The following EGF variants were observed in gnomAD, a reference collection of about 807,000 sequenced individuals.
EGF encodes epidermal growth factor.
EGF carries 95 observed loss-of-function variants against 143.8 expected under a neutral mutation model. The ratio of observed to expected loss-of-function variants is 0.66; its 90% CI spans 0.56 to 0.78. The LOEUF is 0.78. Ranked by LOEUF, EGF falls within the 30% of genes least tolerant of loss-of-function variation. EGF has a pLI of 0.00. For synonymous variants in EGF, 510 were observed against 510.5 expected (o/e 1.00, Z 0.01); for missense variants, 1,320 against 1,470.9 (o/e 0.90, Z 1.68).
chr4:109,932,066 A>G (rs1187918725), intron 1 of EGF, among the ~76,000 whole-genome samples: 21 of 152,034 alleles, frequency 1.4e-4, no homozygotes, highest in Admixed American at 1.3e-3. Context: ...AGGATAAATG[A>G]GGTCAGGATG....
intron 11 of EGF, among the ~76,000 whole-genome samples, chr4:109,972,863 C>T (rs1747881403): frequency 6.6e-6 from 1 of 152,180 alleles, no homozygotes. Flanking sequence ...GTTGGTGAAC[C>T]AGCCACCAGA....
chr4:109,972,436 C>T (rs1158964894), intron 11 of EGF, among the ~76,000 whole-genome samples: 1 of 152,132 alleles, frequency 6.6e-6, no homozygotes, highest in African/African-American at 2.4e-5. Context: ...TGATGTCTCT[C>T]ATCTCTAAGA....
Position 110,002,040 on chromosome 4 carries a change from G to A in EGF, c.3173+2194G>A, listed in dbSNP as rs562289541. The A allele has an allele frequency of 2.8e-5, 28 of 985,336 alleles. No homozygotes were observed. The South Asian group carries it at 1.1e-3, about 40-fold the overall frequency. 61.0% of individuals were successfully genotyped at this position (985,336 alleles called of 1,614,324 possible). On this transcript the variant is annotated intron_variant, in intron 21 of 23. Coordinates refer to ENST00000265171, the MANE Select transcript of EGF (RefSeq NM_001963.6). Reference sequence around the variant, plus strand: ...AAATGTTGCCATGTCATACTCAACTGTACCAACAAATACAGCTCTAACATT... The same window carrying A: ...AAATGTTGCCATGTCATACTCAACTATACCAACAAATACAGCTCTAACATT...
rs1748472020 is a variant in EGF, at chr4:109,976,173, C to G, written c.1991C>G (p.Ser664Cys). ...DKLYWCDAKQ[S>C]VIEMANLDGS... ...TTGTACTGGTGCGATGCCAAGCAGT[C>G]TGTGATTGAAATGGCCAATCTGGAT... The change falls in exon 13 of 24, where the codon TCT (serine) becomes TGT (cysteine). Residue 664 changes from serine to cysteine, a missense_variant. By Grantham distance (112) the Ser-to-Cys change is moderately radical. Around this residue, in one of 5 missense-constraint regions of EGF, gnomAD observed 1,186 missense variants for 1,313.7 expected, o/e 0.90. Transcript: ENST00000265171. The G allele has an allele frequency of 5.6e-6, 9 of 1,614,106 alleles. No homozygotes were observed. The highest frequency in any genetic ancestry group is 7.6e-6 in the Non-Finnish European group (9 of 1,180,016).
intron 21 of EGF, among the ~76,000 whole-genome samples, chr4:110,002,307 C>A (rs1357500728): frequency 6.6e-6 from 1 of 152,022 alleles, no homozygotes; most frequent in Non-Finnish European, 1.5e-5. Flanking sequence ...ACCTGGGCAC[C>A]ATGGCAAAAC....
At chr4:109,997,866 A>AAAAAT (rs1234924014) in intron 20 of EGF, among the ~76,000 whole-genome samples, 16 of 152,216 alleles carry the variant, frequency 1.1e-4, no homozygotes, top group African/African-American at 3.1e-4. Context: ...CTGTCCATAA[A>AAAAAT]AAAATAAAAT....
At chr4:109,994,264 T>G (rs1029786496) in intron 19 of EGF, among the ~76,000 whole-genome samples, 5 of 152,128 alleles carry the variant, frequency 3.3e-5, no homozygotes, top group Non-Finnish European at 7.4e-5. Context: ...TGAAGGTTAG[T>G]TTTTAGAAGA....
chr4:109,999,646 T>A, intron 20 of EGF, 33 bp from the exon 21 acceptor site: 1 of 1,614,186 alleles, frequency 6.2e-7, no homozygotes, highest in Non-Finnish European at 8.5e-7. Flanking sequence ...TGGCCAGGCA[T>A]CTCTGATGAC....
chr4:109,929,518 GA>G (rs1345930319), intron 1 of EGF, among the ~76,000 whole-genome samples: 5 of 152,122 alleles, frequency 3.3e-5, no homozygotes, highest in African/African-American at 1.2e-4. Flanking sequence ...AAAACAAAAC[GA>G]AACAAGTTTC....
Position 109,968,932 on chromosome 4 carries a change from T to TA in EGF, c.1576-39_1576-38insA. Reference sequence around the variant, plus strand: ...CATTTGTATATATTCCACATTAGTTTTAAAAAAAAATCAGAAATGCCTGTG... The same window carrying TA: ...CATTTGTATATATTCCACATTAGTTTATAAAAAAAAATCAGAAATGCCTGTG... On this transcript the variant is annotated intron_variant, in intron 10 of 23. Transcript: ENST00000265171. 2.5e-6 allele frequency: 4 copies of TA among 1,613,120 alleles called. No homozygotes were observed. In the African/African-American group the frequency reaches 5.3e-5, roughly 22 times the overall value.
chr4:109,993,105 T>C (rs1490754896), intron 18 of EGF, 142 bp from the exon 19 acceptor site: 3 of 789,854 alleles, frequency 3.8e-6, no homozygotes, highest in Non-Finnish European at 5.1e-6. Context: ...ATAAAAAATA[T>C]ATATTAAAAA....
At chr4:109,960,804 T>C in intron 6 of EGF, 63 bp from the exon 7 acceptor site, 1 of 1,603,122 alleles carries the variant, frequency 6.2e-7, no homozygotes, top group South Asian at 1.1e-5. Flanking sequence ...GACTTATTAG[T>C]GATAGCACAA....
intron 21 of EGF, among the ~76,000 whole-genome samples, 182 bp downstream of exon 21, chr4:110,000,028 G>C (rs2126174846): frequency 6.6e-6 from 1 of 152,300 alleles, no homozygotes; most frequent in South Asian, 2.1e-4. Flanking sequence ...GAGGCAGGCA[G>C]ATCACTTGAG....
intron 14 of EGF, among the ~76,000 whole-genome samples, chr4:109,980,437 G>A (rs969639870): frequency 7.2e-5 from 11 of 152,114 alleles, no homozygotes; most frequent in South Asian, 2.1e-4. Context: ...AGCTTCTGTC[G>A]ACACTTGGAC....
Position 109,933,789 on chromosome 4 carries a change from A to G in EGF, c.128-7157A>G, listed in dbSNP as rs536700528. Reference sequence around the variant, plus strand: ...ATGGCGGCATAGTATTCCATGGTGTATATGTGCCACATTTTCTTTATGCAG... The same window carrying G: ...ATGGCGGCATAGTATTCCATGGTGTGTATGTGCCACATTTTCTTTATGCAG... On this transcript the variant is annotated intron_variant, in intron 1 of 23. Transcript: ENST00000265171. 6.6e-5 allele frequency among the ~76,000 whole-genome samples: 10 copies of G among 152,278 alleles called. No individual in the cohort carries two copies. The South Asian group carries it at 1.0e-3, about 16-fold the overall frequency.
chr4:109,975,723 G>A (rs1748387447), intron 12 of EGF, among the ~76,000 whole-genome samples: 2 of 152,146 alleles, frequency 1.3e-5, no homozygotes, highest in Admixed American at 1.3e-4. Flanking sequence ...ATTTACTCAT[G>A]ACTATTTTAT....
intron 10 of EGF, among the ~76,000 whole-genome samples, chr4:109,966,962 T>C (rs1746704717): frequency 6.6e-6 from 1 of 152,160 alleles, no homozygotes; most frequent in Non-Finnish European, 1.5e-5. Flanking sequence ...AACTGCATTG[T>C]TTGCAAGTAT....
intron 1 of EGF, among the ~76,000 whole-genome samples, chr4:109,920,796 A>G (rs1737638507): frequency 6.6e-6 from 1 of 151,754 alleles, no homozygotes; most frequent in East Asian, 1.9e-4. Context: ...CTTCTTGCCT[A>G]CAGGCCAGCG....
At chr4:109,986,642 T>C (rs1402402939) in intron 16 of EGF, among the ~76,000 whole-genome samples, 1 of 152,014 alleles carries the variant, frequency 6.6e-6, no homozygotes, top group Non-Finnish European at 1.5e-5. Flanking sequence ...TACCAGTGAA[T>C]AGACAGATGA....
Sources: allele counts gnomAD v4.1 joint callset (sites outside exome capture counted in the v4.1 genomes callset), GRCh38; gene constraint gnomAD v4.1.1; regional missense constraint gnomAD v4.1.1; transcripts MANE v1.5; gene names NCBI Gene and HGNC (gene_info 2026-07-23, HGNC 2026-07-21).